The following DAAM2 variants were observed in gnomAD, a reference collection of about 807,000 sequenced individuals.
DAAM2 encodes dishevelled associated activator of morphogenesis 2, also known as disheveled-associated activator of morphogenesis 2.
DAAM2 carries 39 observed loss-of-function variants against 120.7 expected under a neutral mutation model. The observed-to-expected ratio is 0.32, with a 90% CI of 0.25 to 0.42. DAAM2 has a LOEUF of 0.42. Among genes scored for constraint, DAAM2 ranks in the 10% least tolerant of loss-of-function variants. The pLI, the probability that DAAM2 is intolerant of heterozygous loss-of-function variation, is 1.00. For missense variants in DAAM2, 1,283 were observed against 1,401.7 expected (o/e 0.92, Z 1.35); for synonymous variants, 488 against 524.9 (o/e 0.93, Z 0.96).
intron 1 of DAAM2, among the ~76,000 whole-genome samples, chr6:39,800,684 TC>T (rs1448179165): frequency 6.6e-6 from 1 of 152,194 alleles, no homozygotes; most frequent in Non-Finnish European, 1.5e-5. Flanking sequence ...CATGCTCCTC[TC>T]CTGGGTCACC....
chr6:39,855,123 G>T (rs960188903), intron 1 of DAAM2, among the ~76,000 whole-genome samples: 1 of 152,230 alleles, frequency 6.6e-6, no homozygotes, highest in Non-Finnish European at 1.5e-5. Context: ...AGATCTATAA[G>T]TATGGGATGG....
In DAAM2 at chr6:39,896,818, T is replaced by A; in HGVS notation, c.2348T>A (p.Leu783Gln). Residue 783 changes from leucine (L) to glutamine (Q), a missense_variant, in exon 20 of 25, where the codon CTG (leucine) becomes CAG (glutamine). Transcript: ENST00000274867. ...AEAKPKVEAI[L>Q]LASRELVRSK... ...CCTGTGCCTCCTCTCCCAGCCATCC[T>A]GTTGGCCTCCCGGGAGCTGGTCCGC... is the stretch of plus-strand genomic sequence containing the variant. 6.3e-7 allele frequency: 1 copy of A among 1,594,588 alleles called. No homozygotes were observed. The highest frequency in any genetic ancestry group is 8.6e-7 in the Non-Finnish European group (1 of 1,169,480).
chr6:39,853,674 A>G (rs1042651269), intron 1 of DAAM2, among the ~76,000 whole-genome samples: 1 of 152,178 alleles, frequency 6.6e-6, no homozygotes, highest in Non-Finnish European at 1.5e-5. Context: ...GAGGGAGACT[A>G]GGGAACAAGA....
intron 16 of DAAM2, chr6:39,887,805 G>C: frequency 1.9e-6 from 1 of 518,022 alleles, no homozygotes; most frequent in Non-Finnish European, 3.5e-6. Context: ...GCCCAGCCTG[G>C]TCAGCGTCTG....
Position 39,879,288 on chromosome 6 carries a change from T to TTCC in DAAM2, c.1656_1657insTCC (p.Cys552_Pro553insSer). 1.4e-6 allele frequency: 2 copies of TTCC among 1,451,752 alleles called. No individual in the cohort carries two copies. Among genetic ancestry groups the TTCC allele is most frequent in the Non-Finnish European group, 1.9e-6 (2 of 1,057,266 alleles). The allele number at this position is 1,451,752 out of a possible 1,614,324, so 89.9% of individuals were successfully genotyped here. On this transcript the variant is annotated inframe_insertion, in exon 14 of 25. Coordinates refer to ENST00000274867, the MANE Select transcript of DAAM2 (RefSeq NM_001201427.2). The stretch of plus-strand genomic sequence containing the variant: ...CTCCTCCTCTGCCCTTTGCCTGTTG[T>TTCC]CCCCCTCCCCCACCACCACCCCTTC...
At chr6:39,851,536 A>G (rs1046375181) in intron 1 of DAAM2, among the ~76,000 whole-genome samples, 4 of 152,226 alleles carry the variant, frequency 2.6e-5, no homozygotes, top group Non-Finnish European at 5.9e-5. Context: ...AGGGATAAAC[A>G]CTGATGATAT....
intron 1 of DAAM2, among the ~76,000 whole-genome samples, chr6:39,830,886 C>A (rs1470161821): frequency 1.3e-5 from 2 of 152,184 alleles, no homozygotes; most frequent in South Asian, 4.1e-4. Flanking sequence ...CAGGGATTAA[C>A]CATTTCAGGC....
At chr6:39,876,351 C>T (rs1284772775) in intron 11 of DAAM2, among the ~76,000 whole-genome samples, 1 of 152,194 alleles carries the variant, frequency 6.6e-6, no homozygotes, top group Non-Finnish European at 1.5e-5. Context: ...TCCAGCTATT[C>T]TTGCTACTGT....
intron 2 of DAAM2, among the ~76,000 whole-genome samples, chr6:39,857,500 T>G (rs1562030618): frequency 6.6e-6 from 1 of 152,208 alleles, no homozygotes; most frequent in African/African-American, 2.4e-5. Context: ...GTTTCCTGAT[T>G]TTTTAGCTTT....
rs1582744688 is a variant in DAAM2, at chr6:39,888,546, T to A, written c.2061-133T>A. On this transcript the variant is annotated intron_variant, in intron 16 of 24. Coordinates refer to ENST00000274867, the MANE Select transcript of DAAM2 (RefSeq NM_001201427.2). ...ACTAGTCTAATCTAAGAAGGCTTTG[T>A]AGAGGAGGTGAGGGGGGAATACTAT... is the stretch of plus-strand genomic sequence containing the variant. The A allele has an allele frequency of 1.1e-5, 7 of 635,216 alleles. No homozygotes were observed. In the East Asian group the frequency reaches 2.0e-4, roughly 18 times the overall value. The allele number at this position is 635,216 out of a possible 1,614,324, so 39.3% of individuals were successfully genotyped here.
chr6:39,798,486 T>C (rs1761765286), intron 1 of DAAM2, among the ~76,000 whole-genome samples: 2 of 152,054 alleles, frequency 1.3e-5, no homozygotes, highest in African/African-American at 4.8e-5. Context: ...TAGGAAAAAA[T>C]AGGCAGTCAG....
rs375628368 is a variant in DAAM2, at chr6:39,896,768, C to G, written c.2342-44C>G. On this transcript the variant is annotated intron_variant, in intron 19 of 24. Coordinates refer to ENST00000274867, the MANE Select transcript of DAAM2 (RefSeq NM_001201427.2). Reference sequence around the variant, plus strand: ...CTGGGGTGCAATGAGAACTGCTGCCCTGCCTAGCCCATGCAGGCCTCTGAC... The same window carrying G: ...CTGGGGTGCAATGAGAACTGCTGCCGTGCCTAGCCCATGCAGGCCTCTGAC... 4.6e-5 allele frequency: 68 copies of G among 1,488,704 alleles called. No individual in the cohort carries two copies. The African/African-American group carries it at 9.2e-4, about 20-fold the overall frequency. The allele number at this position is 1,488,704 out of a possible 1,614,324, so 92.2% of individuals were successfully genotyped here.
intron 21 of DAAM2, 46 bp from the exon 22 acceptor site, chr6:39,898,831 C>A (rs745437339): frequency 1.3e-6 from 2 of 1,523,130 alleles, no homozygotes; most frequent in Non-Finnish European, 1.8e-6. Flanking sequence ...CACCTCAAGG[C>A]GGGAGTTGAT....
At position 39,875,384 on chromosome 6, in the gene DAAM2, A is replaced by C. The variant is rs764479389; in HGVS notation, c.1217A>C (p.Gln406Pro). Residue 406 changes from glutamine to proline, a missense_variant, in exon 11 of 25, where the codon CAG (glutamine) becomes CCG (proline). Around this residue, in one of 3 missense-constraint regions of DAAM2, gnomAD observed 338 missense variants for 443.9 expected, o/e 0.76. Transcript: ENST00000274867. ...TGGCAGCTCCTGGACCGCATCCTCC[A>C]GCAGATTGTCCTCCAGGATGAGCGG... is the stretch of plus-strand genomic sequence containing the variant. ...QQWQLLDRILQQIVLQDERGV... is the reference protein window; with the variant it reads ...QQWQLLDRILPQIVLQDERGV... The C allele has an allele frequency of 6.2e-7, 1 of 1,613,874 alleles. No homozygotes were observed. The highest frequency in any genetic ancestry group is 8.5e-7 in the Non-Finnish European group (1 of 1,179,884).
chr6:39,860,913 T>C lies in DAAM2; in HGVS notation c.169-15T>C. On this transcript the variant is annotated splice_polypyrimidine_tract_variant and intron_variant, in intron 2 of 24. Coordinates refer to ENST00000274867, the MANE Select transcript of DAAM2 (RefSeq NM_001201427.2). ...TCCCTAGTGTCAGACGTATTTTTTC[T>C]TATTGTCTTTGCAGGATGAATTGGA... The C allele has an allele frequency of 6.2e-7, 1 of 1,606,618 alleles. No homozygotes were observed. Among genetic ancestry groups the C allele is most frequent in the Non-Finnish European group, 8.5e-7 (1 of 1,175,410 alleles).
chr6:39,815,725 A>G (rs2114094519), intron 1 of DAAM2, among the ~76,000 whole-genome samples: 1 of 152,098 alleles, frequency 6.6e-6, no homozygotes, highest in East Asian at 1.9e-4. Flanking sequence ...AACTTTATGG[A>G]GGTCTGGGGA....
At chr6:39,800,195 A>T (rs1761817394) in intron 1 of DAAM2, among the ~76,000 whole-genome samples, 1 of 152,164 alleles carries the variant, frequency 6.6e-6, no homozygotes, top group African/African-American at 2.4e-5. Flanking sequence ...TGCCAGATCA[A>T]GCATCATCCA....
intron 1 of DAAM2, among the ~76,000 whole-genome samples, chr6:39,839,071 T>G (rs1039182895): frequency 1.3e-5 from 2 of 152,162 alleles, no homozygotes; most frequent in Non-Finnish European, 2.9e-5. Context: ...TGGTTCAGGT[T>G]GGGTCTAGGC....
chr6:39,878,166 A>G lies in DAAM2; in HGVS notation c.1302-37A>G, dbSNP rs770976180. ...CCTGGGAAGCTGTGAATCAATGGTC[A>G]ACAATCACATTGCCCCTTCCCTCTA... On this transcript the variant is annotated intron_variant, in intron 11 of 24. Transcript: ENST00000274867. This position sits in a 1 kb window ranked among gnomAD's most constrained non-coding sequence, Gnocchi z 5.0. The G allele has an allele frequency of 2.3e-5, 37 of 1,609,746 alleles. No individual in the cohort carries two copies. The South Asian group carries it at 4.0e-4, about 17-fold the overall frequency.
Sources: allele counts gnomAD v4.1 joint callset (sites outside exome capture counted in the v4.1 genomes callset), GRCh38; gene constraint gnomAD v4.1.1; regional missense constraint gnomAD v4.1.1; non-coding constraint Gnocchi (gnomAD v3.1); transcripts MANE v1.5; gene names NCBI Gene and HGNC (gene_info 2026-07-23, HGNC 2026-07-21).